UBE3C: variants seen among roughly 807,000 people sequenced by gnomAD.
The protein encoded by UBE3C is ubiquitin protein ligase E3C.
A neutral mutation model predicts 129.4 loss-of-function variants in UBE3C; 42 were observed. The ratio of observed to expected loss-of-function variants is 0.32; its 90% CI spans 0.25 to 0.42. The LOEUF (loss-of-function observed/expected upper bound fraction) is 0.42. UBE3C is among the 10% of genes least tolerant of loss of function. UBE3C has a pLI of 1.00. For synonymous variants in UBE3C, 510 were observed against 492.4 expected (o/e 1.04, Z -0.47); for missense variants, 1,049 against 1,319.1 (o/e 0.80, Z 3.17).
intron 6 of UBE3C, among the ~76,000 whole-genome samples, chr7:157,181,092 T>G (rs1229744531): frequency 2.0e-5 from 3 of 152,242 alleles, no homozygotes; most frequent in Admixed American, 1.3e-4. Context: ...TATGTGGTCC[T>G]TATTGAGCTC....
At chr7:157,157,573 C>T (rs1807945916) in intron 1 of UBE3C, among the ~76,000 whole-genome samples, 1 of 151,852 alleles carries the variant, frequency 6.6e-6, no homozygotes, top group Non-Finnish European at 1.5e-5. Flanking sequence ...AGCCTTTGAC[C>T]TACAAAGAAA....
chr7:157,208,034 G>C lies in UBE3C; in HGVS notation c.1809+99G>C, dbSNP rs751749572. 6.8e-3 allele frequency: 1,306 copies of C among 191,550 alleles called. 3 individuals carry two copies. The highest frequency in any genetic ancestry group is 9.9e-3 in the Non-Finnish European group (1,088 of 109,378). 11.9% of individuals were successfully genotyped at this position (191,550 alleles called of 1,614,324 possible). ...GGAATAAAAATGCAGGTTTGTTTCA[G>C]ACATGTTTTAATTTGCAAGACTTTT... On this transcript the variant is annotated intron_variant, in intron 13 of 22. Transcript: ENST00000348165.
chr7:157,247,381 GTC>G (rs992572055), intron 18 of UBE3C, among the ~76,000 whole-genome samples: 105 of 152,304 alleles, frequency 6.9e-4, no homozygotes, highest in African/African-American at 2.3e-3. Flanking sequence ...GGTAACTGTT[GTC>G]TCTATTGTCT....
intron 22 of UBE3C, among the ~76,000 whole-genome samples, chr7:157,263,542 T>C (rs563162816): frequency 1.3e-5 from 2 of 152,004 alleles, no homozygotes; most frequent in East Asian, 1.9e-4. Context: ...TGGGCACATA[T>C]AGTCCCAGCT....
chr7:157,164,186 G>A (rs538192435), intron 2 of UBE3C, among the ~76,000 whole-genome samples: 1 of 151,790 alleles, frequency 6.6e-6, no homozygotes, highest in South Asian at 2.1e-4. Context: ...AAGATACTGA[G>A]TCTTGCTCTG....
chr7:157,173,599 ATTATATT>A (rs1236888141), intron 4 of UBE3C, among the ~76,000 whole-genome samples: 1 of 152,194 alleles, frequency 6.6e-6, no homozygotes, highest in Non-Finnish European at 1.5e-5. Context: ...TGGTACTAAG[ATTATATT>A]TTATGTATAG....
intron 22 of UBE3C, among the ~76,000 whole-genome samples, chr7:157,258,430 TTTG>T (rs1363325639): frequency 2.0e-5 from 3 of 152,016 alleles, no homozygotes; most frequent in Non-Finnish European, 4.4e-5. Context: ...GGTTTTTTGC[TTTG>T]TTGTTGTTGT....
chr7:157,158,267 C>G (rs1338995181), intron 1 of UBE3C, among the ~76,000 whole-genome samples: 2 of 152,000 alleles, frequency 1.3e-5, no homozygotes. Flanking sequence ...TTTTGAAAAC[C>G]AGTTTTTCAT....
rs1452850666 is a variant in UBE3C, at chr7:157,183,914, G to C, written c.1028G>C (p.Arg343Pro). The change falls in exon 9 of 23, where the codon CGG (arginine) becomes CCG (proline). Residue 343 changes from arginine (R) to proline (P), a missense_variant. By Grantham distance (103) the Arg-to-Pro change is moderately radical. Coordinates refer to ENST00000348165, the MANE Select transcript of UBE3C (RefSeq NM_014671.3). ...LSEEGLLVYL[R>P]VLQTFLSQLP... Reference sequence around the variant, plus strand: ...GAGGAAGGGCTGCTGGTGTATTTGCGGGTGCTGCAGACCTTCCTCTCTCAG... The same window carrying C: ...GAGGAAGGGCTGCTGGTGTATTTGCCGGTGCTGCAGACCTTCCTCTCTCAG... 1 of 1,614,112 alleles carries C rather than the reference G, an allele frequency of 6.2e-7. No homozygotes were observed. The highest frequency in any genetic ancestry group is 8.5e-7 in the Non-Finnish European group (1 of 1,180,010).
chr7:157,163,898 A>G (rs770536924), intron 2 of UBE3C, 35 bp downstream of exon 2: 3 of 1,595,048 alleles, frequency 1.9e-6, no homozygotes, highest in African/African-American at 2.7e-5. Flanking sequence ...GTAGATAAGC[A>G]TTTTTTCTAC....
chr7:157,174,987 A>G lies in UBE3C; in HGVS notation c.411A>G (p.Arg137=), dbSNP rs1563040716. ...TCAAGCAGTTGGATGGATCTGAGAG[A>G]CTTACATGCTTATTTCAGATAAAAA... The part of the protein sequence containing the change: ...LFVKQLDGSE[R]LTCLFQIKRL... The change falls in exon 5 of 23, where the codon AGA becomes AGG. Residue 137 remains arginine (R), a synonymous_variant. Transcript: ENST00000348165. The G allele has an allele frequency of 6.2e-7, 1 of 1,612,892 alleles. No homozygotes were observed. Among genetic ancestry groups the G allele is most frequent in the Admixed American group, 1.7e-5 (1 of 59,850 alleles).
intron 6 of UBE3C, 72 bp downstream of exon 6, chr7:157,178,919 T>C (rs971034628): frequency 1.3e-6 from 2 of 1,550,462 alleles, no homozygotes; most frequent in African/African-American, 2.7e-5. Context: ...AGCCTGCTGC[T>C]GTGAGCCTGT....
chr7:157,258,577 A>C (rs762077357), intron 22 of UBE3C, among the ~76,000 whole-genome samples: 1 of 152,166 alleles, frequency 6.6e-6, no homozygotes, highest in Non-Finnish European at 1.5e-5. Flanking sequence ...CTCCTGCCTC[A>C]GCCTCCTGAA....
rs927637942 is a variant in UBE3C, at chr7:157,183,979, G to T, written c.1093G>T (p.Ala365Ser). 18 of 1,614,062 alleles carry T rather than the reference G, an allele frequency of 1.1e-5. No homozygotes were observed. The African/African-American group carries it at 2.1e-4, about 19-fold the overall frequency. ...SPASASCHDS[A>S]SDSEEESEEA... ...TGCCAGCGCGAGCTGTCACGACTCA[G>T]CCAGTGACTCTGAGGAGGAGAGTGA... Residue 365 changes from alanine to serine, a missense_variant, in exon 9 of 23, where the codon GCC becomes TCC. Ala to Ser is a moderately conservative substitution (Grantham distance 99). Transcript: ENST00000348165.
At chr7:157,250,155 G>T (rs1191525893) in intron 19 of UBE3C, among the ~76,000 whole-genome samples, 6 of 152,162 alleles carry the variant, frequency 3.9e-5, no homozygotes, top group Non-Finnish European at 7.3e-5. Flanking sequence ...TGATGAACTG[G>T]CTGTGTGGGG....
intron 22 of UBE3C, among the ~76,000 whole-genome samples, chr7:157,261,096 A>G (rs1192850116): frequency 6.6e-6 from 1 of 152,004 alleles, no homozygotes; most frequent in Non-Finnish European, 1.5e-5. Flanking sequence ...TGAGGCCAGG[A>G]GTTCAAGACG....
intron 1 of UBE3C, among the ~76,000 whole-genome samples, chr7:157,144,356 TTGG>T (rs1267360224): frequency 6.6e-6 from 1 of 151,890 alleles, no homozygotes; most frequent in Non-Finnish European, 1.5e-5. Context: ...CACCGGAAGA[TTGG>T]ATGATAGAGG....
At chr7:157,204,971 C>T (rs779049721) in intron 11 of UBE3C, among the ~76,000 whole-genome samples, 1 of 152,236 alleles carries the variant, frequency 6.6e-6, no homozygotes, top group Non-Finnish European at 1.5e-5. Flanking sequence ...TTCTCAAGAT[C>T]TAGACAGAGG....
intron 18 of UBE3C, among the ~76,000 whole-genome samples, chr7:157,242,648 C>T (rs1796369670): frequency 6.6e-6 from 1 of 150,976 alleles, no homozygotes; most frequent in Non-Finnish European, 1.5e-5. Flanking sequence ...TAGCGAACTT[C>T]CTTGTTCATG....
Sources: allele counts gnomAD v4.1 joint callset (sites outside exome capture counted in the v4.1 genomes callset), GRCh38; gene constraint gnomAD v4.1.1; transcripts MANE v1.5; gene names NCBI Gene and HGNC (gene_info 2026-07-23, HGNC 2026-07-21).